Variants in NCAM2 observed in about 807,000 individuals in gnomAD.
NCAM2 encodes the protein neural cell adhesion molecule 2, also known as N-CAM-2.
Under a neutral mutation model 98.1 loss-of-function variants are expected in NCAM2, and 30 were observed. The ratio of observed to expected loss-of-function variants is 0.31; its 90% confidence interval spans 0.23 to 0.41. The LOEUF (loss-of-function observed/expected upper bound fraction) is 0.41, where lower values mean the gene tolerates loss of function less well. NCAM2 is among the 10% of genes least tolerant of loss of function. The pLI is 1.00. For synonymous variants in NCAM2, 368 were observed against 342.4 expected, an observed-to-expected ratio of 1.07 and a Z score of -0.83; for missense variants, 867 against 1,005.8, an observed-to-expected ratio of 0.86 and a Z score of 1.87.
intron 1 of NCAM2, among the ~76,000 whole-genome samples, chr21:21,268,413 C>T (rs978625302): frequency 6.6e-6 from 1 of 152,178 alleles, no homozygotes; most frequent in African/African-American, 2.4e-5. Context: ...CTTACTGTGC[C>T]ACAGTGAATT....
chr21:21,437,474 C>G (rs1602340677), intron 12 of NCAM2, among the ~76,000 whole-genome samples: 1 of 144,534 alleles, frequency 6.9e-6, no homozygotes, highest in Middle Eastern at 3.5e-3. Context: ...CACCAAGATT[C>G]TGTGTGTGTG....
At chr21:21,199,367 C>T (rs759304410) in intron 1 of NCAM2, among the ~76,000 whole-genome samples, 1 of 152,162 alleles carries the variant, frequency 6.6e-6, no homozygotes, top group Non-Finnish European at 1.5e-5. Flanking sequence ...CAGGTTGTTA[C>T]AACCATATCT....
chr21:21,228,339 A>G (rs1413552303), intron 1 of NCAM2, among the ~76,000 whole-genome samples: 5 of 151,618 alleles, frequency 3.3e-5, no homozygotes, highest in Non-Finnish European at 7.4e-5. Flanking sequence ...TACAATCATG[A>G]TACATTAGCA....
chr21:21,337,339 G>A (rs1420809257), intron 7 of NCAM2, among the ~76,000 whole-genome samples: 1 of 151,978 alleles, frequency 6.6e-6, no homozygotes, highest in Non-Finnish European at 1.5e-5. Flanking sequence ...TCCCTTTTGT[G>A]TAGTAACATT....
intron 15 of NCAM2, among the ~76,000 whole-genome samples, chr21:21,484,725 A>G (rs941156028): frequency 9.2e-5 from 14 of 152,260 alleles, no homozygotes; most frequent in Non-Finnish European, 1.3e-4. Context: ...CCTTCCCCCA[A>G]TTATCAACCT....
intron 6 of NCAM2, among the ~76,000 whole-genome samples, chr21:21,334,707 C>T (rs1057180302): frequency 2.6e-5 from 4 of 151,510 alleles, no homozygotes; most frequent in Admixed American, 6.6e-5. Context: ...TCACAAATAC[C>T]GAGGGAAATC....
At chr21:21,124,373 T>G (rs1222632706) in intron 1 of NCAM2, among the ~76,000 whole-genome samples, 1 of 152,182 alleles carries the variant, frequency 6.6e-6, no homozygotes, top group East Asian at 1.9e-4. Context: ...AACTTGAGTT[T>G]TGCCTGTTTA....
intron 8 of NCAM2, among the ~76,000 whole-genome samples, chr21:21,356,851 G>A (rs1031809292): frequency 3.9e-5 from 6 of 152,056 alleles, no homozygotes; most frequent in South Asian, 2.1e-4. Flanking sequence ...TTAGCAGGGC[G>A]TGGTGGCACA....
intron 15 of NCAM2, among the ~76,000 whole-genome samples, chr21:21,478,591 G>T (rs1985459505): frequency 6.6e-6 from 1 of 151,888 alleles, no homozygotes. Flanking sequence ...TGGTTATAAG[G>T]TTTAAAAAGT....
intron 1 of NCAM2, among the ~76,000 whole-genome samples, chr21:21,213,419 A>G (rs1035617271): frequency 2.6e-5 from 4 of 152,214 alleles, no homozygotes; most frequent in African/African-American, 9.6e-5. Flanking sequence ...TAATATTGTT[A>G]AGTTATTTAA....
At chr21:21,099,288 G>A (rs2066189338) in intron 1 of NCAM2, among the ~76,000 whole-genome samples, 3 of 151,808 alleles carry the variant, frequency 2.0e-5, no homozygotes, top group Admixed American at 6.6e-5. Flanking sequence ...ACCTGGCTCA[G>A]GCAAGCTACA....
rs2068743487 is a variant in NCAM2 at position 21,189,301 on chromosome 21, T to A, written c.56-91277T>A. Among the ~76,000 whole-genome samples the A allele has an allele frequency of 2.6e-5, 4 of 152,236 alleles. No homozygotes were observed. The South Asian group carries it at 8.3e-4, about 32-fold the overall frequency. ...TTTTTAATATATAATAAAATAAAAA[T>A]AAAACTGGGTCATTTCTTAAAGGGT... On this transcript the variant is annotated intron_variant, in intron 1 of 17. Coordinates refer to ENST00000400546, the MANE Select transcript of NCAM2 (RefSeq NM_004540.5).
chr21:21,125,268 T>C (rs1031461058), intron 1 of NCAM2, among the ~76,000 whole-genome samples: 3 of 142,434 alleles, frequency 2.1e-5, no homozygotes, highest in South Asian at 2.3e-4. Context: ...AGAATATTTA[T>C]TCAACTGTAT....
intron 9 of NCAM2, among the ~76,000 whole-genome samples, chr21:21,396,346 T>A (rs1189061666): frequency 6.6e-6 from 1 of 151,954 alleles, no homozygotes; most frequent in African/African-American, 2.4e-5. Context: ...ATCAAAAAAA[T>A]AAAAATACAA....
chr21:21,162,682 A>G (rs1420018097), intron 1 of NCAM2, among the ~76,000 whole-genome samples: 4 of 152,136 alleles, frequency 2.6e-5, no homozygotes, highest in Non-Finnish European at 5.9e-5. Context: ...ATGTACTTAA[A>G]TGATTGCAGC....
intron 1 of NCAM2, among the ~76,000 whole-genome samples, chr21:21,152,950 C>A (rs939120794): frequency 1.5e-4 from 23 of 151,982 alleles, no homozygotes; most frequent in African/African-American, 5.3e-4. Context: ...ACATAGAAAC[C>A]ACTGTGCCAT....
intron 1 of NCAM2, among the ~76,000 whole-genome samples, chr21:21,106,657 T>C (rs910830143): frequency 2.6e-5 from 4 of 151,622 alleles, no homozygotes; most frequent in African/African-American, 9.7e-5. Context: ...TCTATTGGTA[T>C]TAATTAGAAC....
chr21:21,079,352 A>G (rs76576920), intron 1 of NCAM2, among the ~76,000 whole-genome samples: 244 of 152,276 alleles, frequency 1.6e-3, no homozygotes, highest in African/African-American at 5.4e-3. Flanking sequence ...AGACACCTCT[A>G]TGAGTGAGAA....
In NCAM2 at chr21:21,519,755, T is replaced by C. The variant is rs371888079; in HGVS notation, c.2282+10700T>C. Among the ~76,000 whole-genome samples the C allele has an allele frequency of 4.9e-4, 74 of 152,268 alleles. No homozygotes were observed. The East Asian group carries it at 0.012, about 24-fold the overall frequency. ...TTTTCAAAAATGTAGTGTTCAAGTT[T>C]GAAAAAGATATAAAATCTTAATGAG... is the stretch of plus-strand genomic sequence containing the variant. On this transcript the variant is annotated intron_variant, in intron 16 of 17. Transcript: ENST00000400546.
Sources: allele counts gnomAD v4.1 joint callset (sites outside exome capture counted in the v4.1 genomes callset), GRCh38; gene constraint gnomAD v4.1.1; transcripts MANE v1.5; gene names NCBI Gene and HGNC (gene_info 2026-07-23, HGNC 2026-07-21).